The following PGF variants were observed in gnomAD, a reference collection of about 807,000 sequenced individuals.
PGF encodes the protein placenta growth factor.
A neutral mutation model predicts 25.3 loss-of-function variants in PGF; 11 were observed. The observed-to-expected ratio is 0.43, with a 90% confidence interval of 0.27 to 0.72. The LOEUF is 0.72. Among genes scored for constraint, PGF ranks in the 30% least tolerant of loss-of-function variants. The pLI, the probability that PGF is intolerant of heterozygous loss-of-function variation, is 0.18. For missense variants in PGF, 230 were observed against 234.9 expected (o/e 0.98, Z 0.14); for synonymous variants, 105 against 97.9 (o/e 1.07, Z -0.43).
At chr14:74,946,037 C>T (rs1888723230) in intron 6 of PGF, 176 bp downstream of exon 6, 1 of 602,410 alleles carries the variant, frequency 1.7e-6, no homozygotes, top group Non-Finnish European at 3.0e-6. Context: ...GGGACAAAAA[C>T]CAAGGTCCAC....
At position 74,955,471 on chromosome 14, in the gene PGF, G is replaced by C. The variant is rs963987647; in HGVS notation, c.-229C>G. On this transcript the variant is annotated 5_prime_UTR_variant, in exon 1 of 7. Coordinates refer to ENST00000555567, the MANE Select transcript of PGF (RefSeq NM_002632.6). The surrounding 1 kb of genome is among the most constrained non-coding windows in gnomAD (Gnocchi z 4.1). Reference sequence around the variant, plus strand: ...ACCCGACGGGGAGCGGCCCGGCGGGGCGGGGCGCCGAGGGGCAGGCGGGTC... The same window carrying C: ...ACCCGACGGGGAGCGGCCCGGCGGGCCGGGGCGCCGAGGGGCAGGCGGGTC... The C allele has an allele frequency of 4.4e-5, 17 of 390,032 alleles. No homozygotes were observed. Among genetic ancestry groups the C allele is most frequent in the Non-Finnish European group, 7.7e-5 (17 of 220,468 alleles). 24.2% of individuals were successfully genotyped at this position (390,032 alleles called of 1,614,324 possible). A position where few individuals can be genotyped will look rare whatever the true frequency, so the allele number is the denominator to read the frequency against.
intron 6 of PGF, among the ~76,000 whole-genome samples, chr14:74,944,135 T>C (rs1269587767): frequency 2.0e-5 from 3 of 150,746 alleles, no homozygotes; most frequent in Non-Finnish European, 3.0e-5. Context: ...GACGGAGTCT[T>C]GCTCTGTCCC....
chr14:74,949,458 T>C lies in PGF; in HGVS notation c.214A>G (p.Met72Val), dbSNP rs745421556. 6.8e-6 allele frequency: 11 copies of C among 1,612,684 alleles called. No homozygotes were observed. The highest frequency in any genetic ancestry group is 2.2e-5 in the East Asian group (1 of 44,762). The change falls in exon 3 of 7, where the codon ATG (methionine) becomes GTG (valine). Residue 72 changes from methionine (M) to valine (V), a missense_variant. Met to Val is a conservative substitution (Grantham distance 21, BLOSUM62 1). Coordinates refer to ENST00000555567, the MANE Select transcript of PGF (RefSeq NM_002632.6). ...VSEYPSEVEHMFSPSCVSLLR... is the reference protein window; with the variant it reads ...VSEYPSEVEHVFSPSCVSLLR... The stretch of plus-strand genomic sequence containing the variant: ...AGGGAGACACAGGATGGGCTGAACA[T>C]GTGCTCCACCTCGCTGGGGTACTCG...
chr14:74,954,816 T>C (rs113458681), intron 1 of PGF, among the ~76,000 whole-genome samples: 392 of 152,156 alleles, frequency 2.6e-3, no homozygotes, highest in African/African-American at 9.1e-3. Flanking sequence ...TGGGGACGCC[T>C]GGTTGGCCAT....
Position 74,955,175 on chromosome 14 carries a change from G to C in PGF, c.68C>G (p.Pro23Arg). The C allele has an allele frequency of 2.7e-6, 4 of 1,473,658 alleles. No individual in the cohort carries two copies. Among genetic ancestry groups the C allele is most frequent in the South Asian group, 1.3e-5 (1 of 75,532 alleles). The allele number at this position is 1,473,658 out of a possible 1,614,324, so 91.3% of individuals were successfully genotyped here. ...LLAGLALPAV[P>R]PQQWALSAGN... ...GGTGGGGGTAGCTCTTACCTGGGGGGGCACAGCAGGCAGCGCCAGCCCGGC... is the reference window on the plus strand; with the variant it reads ...GGTGGGGGTAGCTCTTACCTGGGGGCGCACAGCAGGCAGCGCCAGCCCGGC... The change falls in exon 1 of 7, where the codon CCC (proline) becomes CGC (arginine). Residue 23 changes from proline to arginine, a missense_variant. Transcript: ENST00000555567. This position sits in a 1 kb window ranked among gnomAD's most constrained non-coding sequence, Gnocchi z 4.1.
chr14:74,942,801 G>C, intron 6 of PGF, 68 bp from the exon 7 acceptor site: 2 of 1,486,082 alleles, frequency 1.3e-6, no homozygotes, highest in Non-Finnish European at 1.8e-6. Flanking sequence ...TCCTCCTATG[G>C]AGGAGGGGGC....
Position 74,955,186 on chromosome 14 carries a change from C to G in PGF, c.57G>C (p.Leu19=). 3.4e-6 allele frequency: 5 copies of G among 1,483,456 alleles called. No homozygotes were observed. Among genetic ancestry groups the G allele is most frequent in the Non-Finnish European group, 4.5e-6 (5 of 1,108,516 alleles). The allele number at this position is 1,483,456 out of a possible 1,614,324, so 91.9% of individuals were successfully genotyped here. The change falls in exon 1 of 7, where the codon CTG becomes CTC. Residue 19 remains leucine (L), a synonymous_variant. Coordinates refer to ENST00000555567, the MANE Select transcript of PGF (RefSeq NM_002632.6). This position sits in a 1 kb window ranked among gnomAD's most constrained non-coding sequence, Gnocchi z 4.1. ...CTCTTACCTGGGGGGGCACAGCAGG[C>G]AGCGCCAGCCCGGCCAGGAGCTGCA... ...CFLQLLAGLA[L]PAVPPQQWAL... is the part of the protein sequence containing the mutation.
rs140032352 is a variant in PGF at position 74,946,385 on chromosome 14, G to A, written c.416C>T (p.Pro139Leu). The A allele has an allele frequency of 7.4e-5, 119 of 1,611,884 alleles. No homozygotes were observed. Among genetic ancestry groups the A allele is most frequent in the Non-Finnish European group, 9.7e-5 (114 of 1,178,602 alleles). Residue 139 changes from proline to leucine, a missense_variant, in exon 5 of 7, where the codon CCG becomes CTG. By Grantham distance (98) the Pro-to-Leu change is moderately conservative. Coordinates refer to ENST00000555567, the MANE Select transcript of PGF (RefSeq NM_002632.6). ...CCCCAGCCAAACCACTTACCTTTCC[G>A]GCTTCATCTTCTCCCGCAGAGGCCT... ...ECRPLREKMK[P>L]ERRRPKGRGK... is the part of the protein sequence containing the mutation.
chr14:74,946,726 T>C, intron 4 of PGF: 1 of 698,552 alleles, frequency 1.4e-6, no homozygotes, highest in Non-Finnish European at 2.6e-6. Context: ...TGCTTTTTCT[T>C]TCTCACTTTC....
intron 5 of PGF, 51 bp from the exon 6 acceptor site, chr14:74,946,326 G>A: frequency 6.2e-7 from 1 of 1,614,012 alleles, no homozygotes; most frequent in Non-Finnish European, 8.5e-7. Context: ...CCCATGCTAG[G>A]ACAGAGGCTG....
At chr14:74,947,869 C>T (rs966260532) in intron 4 of PGF, 1 of 152,368 alleles carries the variant, frequency 6.6e-6, no homozygotes, top group African/African-American at 2.4e-5. Context: ...TTTCTCTCTT[C>T]CCTGAACCTA....
rs1888963277 is a variant in PGF, at chr14:74,955,317, G to A, written c.-75C>T. The A allele has an allele frequency of 8.6e-6, 8 of 934,594 alleles. No homozygotes were observed. Among genetic ancestry groups the A allele is most frequent in the South Asian group, 7.6e-5 (3 of 39,694 alleles). 57.9% of individuals were successfully genotyped at this position (934,594 alleles called of 1,614,324 possible). Reference sequence around the variant, plus strand: ...CATCCCCCGGGGAGCCCCTGGCACAGGAGGAGAAGAGCTGAGTGGGGGGCT... The same window carrying A: ...CATCCCCCGGGGAGCCCCTGGCACAAGAGGAGAAGAGCTGAGTGGGGGGCT... On this transcript the variant is annotated 5_prime_UTR_variant, in exon 1 of 7. Transcript: ENST00000555567. The surrounding 1 kb of genome is among the most constrained non-coding windows in gnomAD (Gnocchi z 4.1).
chr14:74,951,077 A>G lies in PGF; in HGVS notation c.119-1524T>C, dbSNP rs1423913538. 6.6e-5 allele frequency among the ~76,000 whole-genome samples: 10 copies of G among 152,162 alleles called. No individual in the cohort carries two copies. In the East Asian group the frequency reaches 1.9e-3, roughly 29 times the overall value. On this transcript the variant is annotated intron_variant, in intron 2 of 6. Transcript: ENST00000555567. ...CAGAGGCCCTCGGGAAAGGCTGCAA[A>G]CTGGTGGAAAATACCCAGAGGCGGT...
chr14:74,942,755 C>T (rs764194714), intron 6 of PGF, 22 bp from the exon 7 acceptor site: 31 of 1,606,252 alleles, frequency 1.9e-5, no homozygotes, highest in Non-Finnish European at 2.5e-5. Context: ...CAAGCACAGA[C>T]GGGGCGGGTA....
chr14:74,948,381 C>G lies in PGF; in HGVS notation c.392+126G>C, dbSNP rs889894404. On this transcript the variant is annotated intron_variant, in intron 4 of 6. Transcript: ENST00000555567. Reference sequence around the variant, plus strand: ...TCCTGCCCTCTTGGTCTCCCTCAGTCTGGAAAAAAGTTCAGCCCGCAGCGG... The same window carrying G: ...TCCTGCCCTCTTGGTCTCCCTCAGTGTGGAAAAAAGTTCAGCCCGCAGCGG... The G allele has an allele frequency of 1.6e-5, 9 of 562,312 alleles. No homozygotes were observed. The Admixed American group carries it at 2.0e-4, about 12-fold the overall frequency. 34.8% of individuals were successfully genotyped at this position (562,312 alleles called of 1,614,324 possible). A position where few individuals can be genotyped will look rare whatever the true frequency, so the allele number is the denominator to read the frequency against.
In PGF at chr14:74,953,947, C is replaced by T. The variant is rs1888927785; in HGVS notation, c.76-1G>A. ...CGTTCCCAGCAGACAAGGCCCACTG[C>T]TATGGACAGAAAAGTGCAGAGGTGA... On this transcript the variant is annotated splice_acceptor_variant, in intron 1 of 6. Transcript: ENST00000555567. LOFTEE classifies it high-confidence loss of function. This position sits in a 1 kb window ranked among gnomAD's most constrained non-coding sequence, Gnocchi z 5.4. The T allele has an allele frequency of 6.2e-7, 1 of 1,613,874 alleles. No individual in the cohort carries two copies. The highest frequency in any genetic ancestry group is 1.1e-5 in the South Asian group (1 of 91,078).
chr14:74,948,861 C>T (rs1398574896), intron 3 of PGF, among the ~76,000 whole-genome samples: 1 of 152,180 alleles, frequency 6.6e-6, no homozygotes, highest in African/African-American at 2.4e-5. Flanking sequence ...CAGATCTTGA[C>T]TCTTTTACCT....
At chr14:74,946,705 CT>C in intron 4 of PGF, 1 of 690,356 alleles carries the variant, frequency 1.4e-6, no homozygotes, top group Non-Finnish European at 2.7e-6. Flanking sequence ...TTGTTTCTGT[CT>C]GTTCTCTGTT....
intron 2 of PGF, among the ~76,000 whole-genome samples, chr14:74,951,526 T>C (rs1888871421): frequency 6.6e-6 from 1 of 152,254 alleles, no homozygotes; most frequent in Non-Finnish European, 1.5e-5. Context: ...CTCAGGTTCC[T>C]GCCCTGGGAC....
Sources: allele counts gnomAD v4.1 joint callset (sites outside exome capture counted in the v4.1 genomes callset), GRCh38; gene constraint gnomAD v4.1.1; non-coding constraint Gnocchi (gnomAD v3.1); transcripts MANE v1.5; gene names NCBI Gene and HGNC (gene_info 2026-07-23, HGNC 2026-07-21).